The following ZZEF1 variants were observed in gnomAD, a reference collection of about 807,000 sequenced individuals.
The protein encoded by ZZEF1 is zinc finger ZZ-type and EF-hand domain-containing protein 1.
A neutral mutation model predicts 342.8 loss-of-function variants in ZZEF1; 157 were observed. The ratio of observed to expected loss-of-function variants is 0.46; its 90% CI spans 0.40 to 0.52. The LOEUF is 0.52. Among genes scored for constraint, ZZEF1 ranks in the 20% least tolerant of loss-of-function variants. The pLI, the probability that ZZEF1 is intolerant of heterozygous loss-of-function variation, is 0.00. For synonymous variants in ZZEF1, 1,505 were observed against 1,429.1 expected (o/e 1.05, Z -1.20); for missense variants, 3,480 against 3,725.6 (o/e 0.93, Z 1.72).
At chr17:4,129,126 CT>C (rs1189255800) in intron 1 of ZZEF1, among the ~76,000 whole-genome samples, 2 of 152,114 alleles carry the variant, frequency 1.3e-5, no homozygotes, top group African/African-American at 4.8e-5. Context: ...TATAAAGTTC[CT>C]CCTTTTAAAG....
chr17:4,134,758 C>T (rs908990941), intron 1 of ZZEF1, among the ~76,000 whole-genome samples: 1 of 152,012 alleles, frequency 6.6e-6, no homozygotes, highest in Non-Finnish European at 1.5e-5. Flanking sequence ...CAATTAACCA[C>T]TATACCATGG....
chr17:4,111,211 A>C (rs963537166), intron 5 of ZZEF1, among the ~76,000 whole-genome samples: 6 of 152,208 alleles, frequency 3.9e-5, no homozygotes, highest in African/African-American at 1.4e-4. Context: ...TGTGTATGTA[A>C]ACCATACACA....
At chr17:4,071,326 T>C (rs1349720634) in intron 25 of ZZEF1, 1 of 168,658 alleles carries the variant, frequency 5.9e-6, no homozygotes, top group African/African-American at 2.4e-5. Context: ...TACGAGTCAG[T>C]GGGGAGACTG....
intron 3 of ZZEF1, among the ~76,000 whole-genome samples, chr17:4,114,756 A>G (rs1231066916): frequency 6.6e-6 from 1 of 152,142 alleles, no homozygotes; most frequent in African/African-American, 2.4e-5. Flanking sequence ...GGATTACCCC[A>G]TCGTCTCTAT....
chr17:4,105,103 T>C (rs890109026), intron 7 of ZZEF1, among the ~76,000 whole-genome samples: 2 of 152,254 alleles, frequency 1.3e-5, no homozygotes, highest in Non-Finnish European at 2.9e-5. Context: ...GGTAATGAGC[T>C]GGCTTGACCA....
At position 4,062,890 on chromosome 17, in the gene ZZEF1, T is replaced by C. The variant is rs752494445; in HGVS notation, c.4746A>G (p.Lys1582=). ...CTTCCAGGATGCTCTGGGCCTGGGC[T>C]TTCCTCAGGGAAAGAACCTTCACAA... is the stretch of plus-strand genomic sequence containing the variant. ...RSVVKVLSLR[K]AQAQSILEVL... is the part of the protein sequence containing the mutation. The change falls in exon 30 of 55, where the codon AAA becomes AAG. Residue 1582 remains lysine, a synonymous_variant. Transcript: ENST00000381638. The C allele has an allele frequency of 6.2e-7, 1 of 1,611,910 alleles. No homozygotes were observed. The highest frequency in any genetic ancestry group is 1.7e-5 in the Admixed American group (1 of 59,922).
At chr17:4,101,616 T>C (rs1022809180) in intron 9 of ZZEF1, among the ~76,000 whole-genome samples, 3 of 151,994 alleles carry the variant, frequency 2.0e-5, no homozygotes, top group Admixed American at 6.6e-5. Flanking sequence ...TATCTGGAAA[T>C]ACCCTTCTTT....
intron 10 of ZZEF1, 146 bp from the exon 11 acceptor site, chr17:4,096,125 G>A (rs1464413021): frequency 1.1e-6 from 1 of 908,800 alleles, no homozygotes. Flanking sequence ...CAAAAAATAA[G>A]AAAGCTGTTT....
chr17:4,095,787 T>C, intron 11 of ZZEF1, 44 bp downstream of exon 11: 2 of 1,555,676 alleles, frequency 1.3e-6, no homozygotes, highest in Non-Finnish European at 8.7e-7. Context: ...CAAAGATTTT[T>C]GTTCTGTAGA....
chr17:4,087,070 C>T (rs867218618), intron 14 of ZZEF1, among the ~76,000 whole-genome samples: 2 of 152,092 alleles, frequency 1.3e-5, no homozygotes, highest in South Asian at 2.1e-4. Flanking sequence ...TTAGTAGAGA[C>T]GGGGTTTCAC....
Position 4,064,805 on chromosome 17 carries a change from A to C in ZZEF1, c.4274T>G (p.Leu1425Arg). The change falls in exon 29 of 55, where the codon CTT (leucine) becomes CGT (arginine). Residue 1425 changes from leucine to arginine, a missense_variant. Physicochemically the swap from Leu to Arg is moderately radical, Grantham distance 102. This residue lies in a region of ZZEF1 where 1,528 missense variants were observed against 1,624.1 expected (regional missense o/e 0.94). Coordinates refer to ENST00000381638, the MANE Select transcript of ZZEF1 (RefSeq NM_015113.4). ...SLAKECIEKS[L>R]LLLKFLPTGI... ...CGTGGGCAGAAATTTTAGTAATAGA[A>C]GACTCTTCTCAATGCACTCTTTTGC... 2 of 1,600,522 alleles carry C rather than the reference A, an allele frequency of 1.2e-6. No homozygotes were observed. Among genetic ancestry groups the C allele is most frequent in the Non-Finnish European group, 1.7e-6 (2 of 1,173,670 alleles).
rs2056049783 is a variant in ZZEF1, at chr17:4,014,523, G to A, written c.8146-8C>T. 4.3e-6 allele frequency: 7 copies of A among 1,613,892 alleles called. No homozygotes were observed. Among genetic ancestry groups the A allele is most frequent in the Non-Finnish European group, 5.9e-6 (7 of 1,179,926 alleles). On this transcript the variant is annotated splice_polypyrimidine_tract_variant and splice_region_variant and intron_variant, in intron 49 of 54. Transcript: ENST00000381638. The surrounding 1 kb of genome is among the most constrained non-coding windows in gnomAD (Gnocchi z 4.4). ...AGGAATGTGAACTTTATCCTAGGGAGGGGAAATGGAGAACACATCTGTCGA... is the reference window on the plus strand; with the variant it reads ...AGGAATGTGAACTTTATCCTAGGGAAGGGAAATGGAGAACACATCTGTCGA...
At chr17:4,127,428 A>C (rs1397567618) in intron 1 of ZZEF1, among the ~76,000 whole-genome samples, 2 of 152,196 alleles carry the variant, frequency 1.3e-5, no homozygotes, top group Non-Finnish European at 2.9e-5. Flanking sequence ...TTATGGATGA[A>C]ATGATATGAT....
intron 2 of ZZEF1, among the ~76,000 whole-genome samples, chr17:4,121,274 A>T (rs1216744203): frequency 1.3e-5 from 2 of 152,224 alleles, no homozygotes. Context: ...GATGCTATCC[A>T]CATGCTGGTA....
chr17:4,105,559 T>C (rs2058197153), intron 7 of ZZEF1, 134 bp downstream of exon 7: 1 of 700,444 alleles, frequency 1.4e-6, no homozygotes, highest in East Asian at 2.8e-5. Flanking sequence ...TTATGTCACT[T>C]TCTCTTTAGC....
At chr17:4,085,143 T>G in intron 16 of ZZEF1, among the ~76,000 whole-genome samples, 1 of 152,134 alleles carries the variant, frequency 6.6e-6, no homozygotes, top group East Asian at 1.9e-4. Context: ...TTGGTGGTAT[T>G]AGTTTTACAG....
At chr17:4,126,564 A>G (rs2058576729) in intron 1 of ZZEF1, among the ~76,000 whole-genome samples, 1 of 152,208 alleles carries the variant, frequency 6.6e-6, no homozygotes, top group Non-Finnish European at 1.5e-5. Flanking sequence ...AAGGCTGAGA[A>G]GGAAGCTGTC....
rs1384847636 is a variant in ZZEF1, at chr17:4,114,307, G to A, written c.858C>T (p.His286=). 1.3e-6 allele frequency: 2 copies of A among 1,593,158 alleles called. No homozygotes were observed. Among genetic ancestry groups the A allele is most frequent in the African/African-American group, 1.4e-5 (1 of 73,886 alleles). The change falls in exon 4 of 55, where the codon CAC becomes CAT. Residue 286 remains histidine, a synonymous_variant. Transcript: ENST00000381638. The part of the protein sequence containing the change: ...YWQSDGSACS[H]WIRLKMKPDV... ...TATTATATACCACCCACCGAATCCA[G>A]TGTGAACAGGCACTGCCATCTGACT...
chr17:4,017,981 G>A lies in ZZEF1; in HGVS notation c.7506-10C>T. On this transcript the variant is annotated splice_polypyrimidine_tract_variant and intron_variant, in intron 46 of 54. Transcript: ENST00000381638. This position sits in a 1 kb window ranked among gnomAD's most constrained non-coding sequence, Gnocchi z 5.1. ...CTCATCACCATCAAACCTGCAGAAG[G>A]GCAGCACAAAGTTGAGTACCAACAG... 6.2e-7 allele frequency: 1 copy of A among 1,612,382 alleles called. No individual in the cohort carries two copies. Among genetic ancestry groups the A allele is most frequent in the Non-Finnish European group, 8.5e-7 (1 of 1,179,936 alleles).
Sources: allele counts gnomAD v4.1 joint callset (sites outside exome capture counted in the v4.1 genomes callset), GRCh38; gene constraint gnomAD v4.1.1; regional missense constraint gnomAD v4.1.1; non-coding constraint Gnocchi (gnomAD v3.1); transcripts MANE v1.5; gene names NCBI Gene and HGNC (gene_info 2026-07-23, HGNC 2026-07-21).